The following TIAM1 variants were observed in gnomAD, a reference collection of about 807,000 sequenced individuals.
TIAM1 encodes the protein TIAM Rac1 associated GEF 1, also known as rho guanine nucleotide exchange factor TIAM1.
Under a neutral mutation model 163.5 loss-of-function variants are expected in TIAM1, and 65 were observed. The ratio of observed to expected loss-of-function variants is 0.40; its 90% CI spans 0.33 to 0.49. The LOEUF (loss-of-function observed/expected upper bound fraction) is 0.49. Among genes scored for constraint, TIAM1 ranks in the 20% least tolerant of loss-of-function variants. TIAM1 has a pLI of 0.77. For synonymous variants in TIAM1, 833 were observed against 810.1 expected (o/e 1.03, Z -0.48); for missense variants, 1,789 against 2,044.7 (o/e 0.87, Z 2.41).
intron 6 of TIAM1, among the ~76,000 whole-genome samples, chr21:31,231,527 T>A (rs2088430170): frequency 6.6e-6 from 1 of 152,138 alleles, no homozygotes. Flanking sequence ...AGAGTTCACG[T>A]TTGTCTTCCA....
chr21:31,296,235 G>C (rs1226559632), intron 2 of TIAM1, among the ~76,000 whole-genome samples: 2 of 152,080 alleles, frequency 1.3e-5, no homozygotes, highest in East Asian at 3.9e-4. Context: ...GGGGTAATAA[G>C]GAGTATTTGG....
At chr21:31,222,194 T>C (rs1474746764) in intron 8 of TIAM1, among the ~76,000 whole-genome samples, 1 of 152,138 alleles carries the variant, frequency 6.6e-6, no homozygotes, top group East Asian at 1.9e-4. Flanking sequence ...AATTGAAGGG[T>C]ACAGCTGACA....
At chr21:31,215,988 C>A (rs2087184694) in intron 9 of TIAM1, among the ~76,000 whole-genome samples, 1 of 152,202 alleles carries the variant, frequency 6.6e-6, no homozygotes, top group Middle Eastern at 3.4e-3. Flanking sequence ...TGGTGAAACC[C>A]CATCTCTACT....
chr21:31,442,092 A>ATATATAT (rs1555982243), intron 2 of TIAM1, among the ~76,000 whole-genome samples: 3 of 40,132 alleles, frequency 7.5e-5, no homozygotes, highest in Non-Finnish European at 1.1e-4. Flanking sequence ...TATATAGAAC[A>ATATATAT]ATAAGGGTAT....
intron 10 of TIAM1, among the ~76,000 whole-genome samples, chr21:31,212,193 A>C (rs1409265871): frequency 1.2e-4 from 18 of 152,156 alleles, no homozygotes; most frequent in Admixed American, 1.2e-3. Flanking sequence ...GAAGGAAAGA[A>C]AAGGCCTTCC....
intron 2 of TIAM1, among the ~76,000 whole-genome samples, chr21:31,296,018 C>T (rs1295631583): frequency 3.3e-5 from 5 of 152,126 alleles, no homozygotes; most frequent in African/African-American, 9.7e-5. Flanking sequence ...AGACTGGTCT[C>T]GAACTCCTGA....
intron 5 of TIAM1, among the ~76,000 whole-genome samples, chr21:31,248,349 A>G (rs915607815): frequency 5.9e-5 from 9 of 152,184 alleles, no homozygotes; most frequent in African/African-American, 2.2e-4. Context: ...ATTTAGAATC[A>G]TCCACAACAA....
chr21:31,328,492 T>G (rs922119138), intron 2 of TIAM1, among the ~76,000 whole-genome samples: 1 of 151,822 alleles, frequency 6.6e-6, no homozygotes, highest in Non-Finnish European at 1.5e-5. Flanking sequence ...CACCTCAGCC[T>G]CCTGAGTAGC....
At chr21:31,211,511 C>T (rs2086885968) in intron 10 of TIAM1, among the ~76,000 whole-genome samples, 1 of 152,070 alleles carries the variant, frequency 6.6e-6, no homozygotes, top group African/African-American at 2.4e-5. Context: ...CAAGAAGGAA[C>T]AAATTTCCCA....
chr21:31,147,014 C>A lies in TIAM1; in HGVS notation c.3367-11G>T. On this transcript the variant is annotated splice_polypyrimidine_tract_variant and intron_variant, in intron 19 of 27. Coordinates refer to ENST00000541036, the MANE Select transcript of TIAM1 (RefSeq NM_001353694.2). ...AGAGAACAGCACTTTCTGGATTTGA[C>A]GAGAAAAGGCACAGTTGGTTGTTTC... 6.2e-7 allele frequency: 1 copy of A among 1,609,286 alleles called. No individual in the cohort carries two copies. Among genetic ancestry groups the A allele is most frequent in the South Asian group, 1.1e-5 (1 of 90,852 alleles).
intron 2 of TIAM1, among the ~76,000 whole-genome samples, chr21:31,311,899 G>A (rs765830064): frequency 4.7e-5 from 7 of 150,308 alleles, no homozygotes; most frequent in Non-Finnish European, 1.0e-4. Context: ...TGCCAGCACG[G>A]CCAGAATAAA....
At chr21:31,411,363 A>G (rs1229453457) in intron 2 of TIAM1, among the ~76,000 whole-genome samples, 3 of 152,220 alleles carry the variant, frequency 2.0e-5, no homozygotes, top group African/African-American at 7.2e-5. Flanking sequence ...AGGCCAGCAA[A>G]GAAGTATCTC....
intron 1 of TIAM1, among the ~76,000 whole-genome samples, chr21:31,510,234 G>A (rs1366989617): frequency 6.6e-6 from 1 of 152,214 alleles, no homozygotes; most frequent in Admixed American, 6.5e-5. Context: ...TTTCTCCTGA[G>A]GCCTCTCCTC....
chr21:31,244,383 A>C (rs2071383325), intron 6 of TIAM1, among the ~76,000 whole-genome samples: 1 of 152,132 alleles, frequency 6.6e-6, no homozygotes, highest in African/African-American at 2.4e-5. Context: ...CCACATTATA[A>C]AGATTTGCTA....
At position 31,539,486 on chromosome 21, in the gene TIAM1, T is replaced by C. The variant is rs369715402; in HGVS notation, c.-422+19441A>G. Among the ~76,000 whole-genome samples the C allele has an allele frequency of 8.9e-3, 1,340 of 149,744 alleles. 21 individuals are homozygous for C. Among genetic ancestry groups the C allele is most frequent in the African/African-American group, 0.032 (1,271 of 39,198 alleles). ...TTCACCGTGTTAGCCAGGATGGTCT[T>C]GATCTCCTGACCTCGTGATCCGCCC... is the stretch of plus-strand genomic sequence containing the variant. On this transcript the variant is annotated intron_variant, in intron 1 of 28. Transcript: ENST00000286827.
intron 2 of TIAM1, among the ~76,000 whole-genome samples, chr21:31,320,349 T>C (rs2075271778): frequency 6.6e-6 from 1 of 152,060 alleles, no homozygotes; most frequent in African/African-American, 2.4e-5. Flanking sequence ...CATATTCTGT[T>C]TGGGATGATG....
At chr21:31,280,725 A>G (rs2073512695) in intron 2 of TIAM1, among the ~76,000 whole-genome samples, 1 of 151,678 alleles carries the variant, frequency 6.6e-6, no homozygotes, top group African/African-American at 2.4e-5. Context: ...TGTCAGAAAT[A>G]CTGTGTCCAC....
At chr21:31,234,322 G>A (rs1411904731) in intron 6 of TIAM1, among the ~76,000 whole-genome samples, 3 of 145,804 alleles carry the variant, frequency 2.1e-5, no homozygotes, top group East Asian at 4.3e-4. Flanking sequence ...GCAGGAGAGG[G>A]GAAGGGAGGG....
chr21:31,235,112 G>A (rs957415121), intron 6 of TIAM1, among the ~76,000 whole-genome samples: 6 of 152,164 alleles, frequency 3.9e-5, no homozygotes, highest in African/African-American at 1.2e-4. Context: ...CATGAGGCCC[G>A]GAGAGCAGCC....
Sources: gnomAD v4.1 joint callset for allele counts (sites outside exome capture counted in the v4.1 genomes callset) on GRCh38, gnomAD v4.1.1 for gene constraint, MANE v1.5 for transcripts, NCBI Gene and HGNC (gene_info 2026-07-23, HGNC 2026-07-21) for gene names.